The following NUP37 variants were observed in gnomAD, a reference collection of about 807,000 sequenced individuals.
The protein encoded by NUP37 is nucleoporin 37, also known as nucleoporin Nup37.
A neutral mutation model predicts 45.4 loss-of-function variants in NUP37; 33 were observed. That is an observed-to-expected ratio of 0.73 (90% confidence interval 0.55 to 0.97). NUP37 has a LOEUF of 0.97. Among genes scored for constraint, NUP37 ranks in the 50% least tolerant of loss-of-function variants. The pLI, the probability that NUP37 is intolerant of heterozygous loss-of-function variation, is 0.00. For missense variants in NUP37, 365 were observed against 389.7 expected (o/e 0.94, Z 0.53); for synonymous variants, 127 against 130.7 (o/e 0.97, Z 0.19).
intron 5 of NUP37, among the ~76,000 whole-genome samples, chr12:102,098,644 G>A (rs1322111352): frequency 6.6e-6 from 1 of 151,504 alleles, no homozygotes; most frequent in East Asian, 2.0e-4. Context: ...CGATTCCCTT[G>A]CCTCAGTCCC....
At chr12:102,112,034 A>G in intron 3 of NUP37, 74 bp downstream of exon 3, 1 of 1,384,110 alleles carries the variant, frequency 7.2e-7, no homozygotes, top group African/African-American at 1.4e-5. Context: ...AAAAGTATCT[A>G]TGATCAGACT....
At chr12:102,086,749 G>A (rs763979594) in intron 5 of NUP37, among the ~76,000 whole-genome samples, 4 of 152,284 alleles carry the variant, frequency 2.6e-5, no homozygotes, top group South Asian at 2.1e-4. Context: ...GACAGAACTC[G>A]GTGGGAGGCT....
At position 102,073,424 on chromosome 12, in the gene NUP37, G is replaced by C. The variant is rs1257325849; in HGVS notation, c.*930C>G. 1 of 152,160 alleles carries C rather than the reference G, an allele frequency of 6.6e-6. No individual in the cohort carries two copies. Among genetic ancestry groups the C allele is most frequent in the East Asian group, 1.9e-4 (1 of 5,198 alleles). 9.4% of individuals were successfully genotyped at this position (152,160 alleles called of 1,614,324 possible). A position where few individuals can be genotyped will look rare whatever the true frequency, so the allele number is the denominator to read the frequency against. ...ACACTTAAGTTTCTTGGTAAGAACA[G>C]TGAAAATTCACAAAAAGGAGGCTGT... On this transcript the variant is annotated 3_prime_UTR_variant, in exon 10 of 10. Transcript: ENST00000552283.
chr12:102,109,421 TAC>T (rs1397022266), intron 3 of NUP37, among the ~76,000 whole-genome samples: 2 of 152,094 alleles, frequency 1.3e-5, no homozygotes, highest in East Asian at 3.8e-4. Flanking sequence ...GTAAAGAAAG[TAC>T]AGAGAGTTAC....
rs370611229 is a variant in NUP37 at position 102,074,470 on chromosome 12, A to T, written c.868-3T>A. On this transcript the variant is annotated splice_region_variant and splice_polypyrimidine_tract_variant and intron_variant, in intron 9 of 9. Transcript: ENST00000552283. ...GCTACAGAACCCATGAGGATGGGCT[A>T]TAAAATATGTGAAGAATTAAAGAAG... 8 of 1,564,156 alleles carry T rather than the reference A, an allele frequency of 5.1e-6. No homozygotes were observed. Among genetic ancestry groups the T allele is most frequent in the Non-Finnish European group, 7.0e-6 (8 of 1,145,390 alleles).
chr12:102,091,434 A>T (rs1330943608), intron 5 of NUP37, among the ~76,000 whole-genome samples: 1 of 150,666 alleles, frequency 6.6e-6, no homozygotes, highest in Non-Finnish European at 1.5e-5. Context: ...AAAAACCCAA[A>T]AAACAAAAAA....
At chr12:102,111,625 G>T (rs549077952) in intron 3 of NUP37, among the ~76,000 whole-genome samples, 1 of 152,282 alleles carries the variant, frequency 6.6e-6, no homozygotes, top group East Asian at 1.9e-4. Context: ...AGCAGGCATT[G>T]CTAGGATTTT....
At chr12:102,115,828 A>C in intron 2 of NUP37, 1 of 982,356 alleles carries the variant, frequency 1.0e-6, no homozygotes, top group Non-Finnish European at 1.2e-6. Context: ...TCTCAAGACA[A>C]GAGGCATGAA....
chr12:102,118,509 C>G lies in NUP37; in HGVS notation c.10G>C (p.Asp4His). 1 of 1,608,144 alleles carries G rather than the reference C, an allele frequency of 6.2e-7. No homozygotes were observed. The highest frequency in any genetic ancestry group is 8.5e-7 in the Non-Finnish European group (1 of 1,178,522). Residue 4 changes from aspartate (D) to histidine (H), a missense_variant, in exon 2 of 10, where the codon GAT (aspartate) becomes CAT (histidine). By Grantham distance (81) the Asp-to-His change is moderately conservative. Coordinates refer to ENST00000552283, the MANE Select transcript of NUP37 (RefSeq NM_024057.4). ...GTGTAGGCAGCATTTCTTGAGGCAT[C>G]TTGCTTCATCTTGTATGTCAAAATT... The part of the protein sequence containing the change: MKQ[D>H]ASRNAAYTVD...
intron 3 of NUP37, among the ~76,000 whole-genome samples, chr12:102,111,756 G>C (rs1020102303): frequency 2.0e-5 from 3 of 151,860 alleles, no homozygotes; most frequent in Admixed American, 2.0e-4. Context: ...GGGTGGGGAA[G>C]GAAAGCTCAT....
intron 6 of NUP37, among the ~76,000 whole-genome samples, chr12:102,084,749 G>A (rs527846178): frequency 6.6e-6 from 1 of 151,920 alleles, no homozygotes; most frequent in Non-Finnish European, 1.5e-5. Context: ...GAGGACTGTG[G>A]GAGCCTAAGG....
intron 6 of NUP37, among the ~76,000 whole-genome samples, chr12:102,079,701 C>T (rs147785385): frequency 1.3e-5 from 2 of 152,224 alleles, no homozygotes; most frequent in African/African-American, 4.8e-5. Context: ...GCCAGCACTA[C>T]ATTACTGTGC....
chr12:102,089,613 G>T (rs1879587446), intron 5 of NUP37, among the ~76,000 whole-genome samples: 1 of 139,630 alleles, frequency 7.2e-6, no homozygotes, highest in South Asian at 2.4e-4. Flanking sequence ...AGGGCGGCAG[G>T]GCAGAGGCGC....
At chr12:102,097,413 T>A (rs550991569) in intron 5 of NUP37, among the ~76,000 whole-genome samples, 2 of 152,290 alleles carry the variant, frequency 1.3e-5, no homozygotes, top group African/African-American at 4.8e-5. Context: ...TTTAGAGTAA[T>A]AATGTCCTTT....
intron 6 of NUP37, among the ~76,000 whole-genome samples, chr12:102,082,314 T>C (rs567433403): frequency 1.6e-4 from 24 of 152,250 alleles, no homozygotes; most frequent in African/African-American, 5.8e-4. Flanking sequence ...CTCATATCTT[T>C]CTTCTCTAGC....
At chr12:102,116,489 G>A (rs1264206221) in intron 2 of NUP37, among the ~76,000 whole-genome samples, 6 of 152,046 alleles carry the variant, frequency 3.9e-5, no homozygotes, top group Admixed American at 6.6e-5. Flanking sequence ...TGTAAGTCAG[G>A]CTAGGGTCAT....
At chr12:102,097,200 TA>T (rs1242187182) in intron 5 of NUP37, among the ~76,000 whole-genome samples, 1 of 152,134 alleles carries the variant, frequency 6.6e-6, no homozygotes, top group Non-Finnish European at 1.5e-5. Flanking sequence ...TACATTGGCC[TA>T]AACAATTCAC....
intron 6 of NUP37, 128 bp from the exon 7 acceptor site, chr12:102,077,631 A>C: frequency 6.5e-6 from 6 of 922,522 alleles, no homozygotes; most frequent in Non-Finnish European, 9.5e-6. Flanking sequence ...AGCATTCCTC[A>C]TCTGAAAATC....
intron 5 of NUP37, among the ~76,000 whole-genome samples, chr12:102,093,888 A>G (rs1052350153): frequency 6.6e-6 from 1 of 152,092 alleles, no homozygotes; most frequent in Non-Finnish European, 1.5e-5. Flanking sequence ...TTTATTAAGC[A>G]CTTGTTTTGT....
Sources: allele counts gnomAD v4.1 joint callset (sites outside exome capture counted in the v4.1 genomes callset), GRCh38; gene constraint gnomAD v4.1.1; transcripts MANE v1.5; gene names NCBI Gene and HGNC (gene_info 2026-07-23, HGNC 2026-07-21).